SOX6: variants seen among roughly 807,000 people sequenced by gnomAD.
The protein encoded by SOX6 is SRY-box transcription factor 6, also known as transcription factor SOX-6.
A neutral mutation model predicts 97.8 loss-of-function variants in SOX6; 11 were observed. The observed-to-expected ratio is 0.11, with a 90% CI of 0.07 to 0.19. The LOEUF (loss-of-function observed/expected upper bound fraction) is 0.19. Among genes scored for constraint, SOX6 ranks in the 10% least tolerant of loss-of-function variants. The pLI is 1.00. For synonymous variants in SOX6, 360 were observed against 371.4 expected (o/e 0.97, Z 0.35); for missense variants, 810 against 1,039.5 (o/e 0.78, Z 3.04).
chr11:16,497,907 A>C (rs1205578908), intron 4 of SOX6, among the ~76,000 whole-genome samples: 1 of 152,256 alleles, frequency 6.6e-6, no homozygotes, highest in Non-Finnish European at 1.5e-5. Context: ...GATATTATCC[A>C]GGAGAACTTC....
chr11:16,624,622 C>T (rs1848597420), intron 3 of SOX6, among the ~76,000 whole-genome samples: 1 of 151,984 alleles, frequency 6.6e-6, no homozygotes, highest in African/African-American at 2.4e-5. Context: ...TTTTTGTAAA[C>T]ATGTTTTCTC....
intron 13 of SOX6, among the ~76,000 whole-genome samples, chr11:16,004,037 CAT>C (rs958185168): frequency 1.1e-4 from 17 of 151,126 alleles, no homozygotes; most frequent in African/African-American, 2.7e-4. Context: ...TACACACACA[CAT>C]ATATATGTGT....
chr11:16,137,155 G>T lies in SOX6; in HGVS notation c.778-25232C>A, dbSNP rs538959923. On this transcript the variant is annotated intron_variant, in intron 6 of 15. Coordinates refer to ENST00000683767, the MANE Select transcript of SOX6 (RefSeq NM_001367873.1). ...GTGTTTATCTAAAGAGCATGTGGGGGCCGGGAGCAGTGGCTCATGCCTGTA... is the reference window on the plus strand; with the variant it reads ...GTGTTTATCTAAAGAGCATGTGGGGTCCGGGAGCAGTGGCTCATGCCTGTA... Among the ~76,000 whole-genome samples the T allele has an allele frequency of 4.6e-5, 7 of 152,172 alleles. No individual in the cohort carries two copies. The East Asian group carries it at 1.3e-3, about 29-fold the overall frequency.
chr11:16,242,778 T>C (rs541607480), intron 3 of SOX6, among the ~76,000 whole-genome samples: 5 of 151,998 alleles, frequency 3.3e-5, no homozygotes, highest in Non-Finnish European at 5.9e-5. Context: ...TTTTTACTGA[T>C]AAAATATCCA....
intron 1 of SOX6, among the ~76,000 whole-genome samples, chr11:16,349,715 AG>A (rs1856877628): frequency 2.4e-5 from 1 of 41,730 alleles, no homozygotes; most frequent in Non-Finnish European, 4.7e-5. Context: ...GAAGGAAGGA[AG>A]AAGGAAGGAA....
chr11:16,539,237 C>T (rs11023981), intron 4 of SOX6, among the ~76,000 whole-genome samples: 37,260 of 150,332 alleles, frequency 0.25, 5,047 homozygotes, highest in East Asian at 0.48. Context: ...GGGTAAATAA[C>T]GAAGGCAGAA....
At chr11:16,532,589 A>C (rs1484247077) in intron 4 of SOX6, among the ~76,000 whole-genome samples, 1 of 151,920 alleles carries the variant, frequency 6.6e-6, no homozygotes, top group Non-Finnish European at 1.5e-5. Context: ...CTACATCATG[A>C]TTCAAAACAT....
chr11:16,246,439 G>C (rs1329115284), intron 3 of SOX6, among the ~76,000 whole-genome samples: 5 of 151,598 alleles, frequency 3.3e-5, no homozygotes, highest in Admixed American at 1.3e-4. Context: ...AAATCTGCTA[G>C]CAATAAATTG....
At chr11:16,306,049 C>T (rs1356751041) in intron 3 of SOX6, among the ~76,000 whole-genome samples, 1 of 151,988 alleles carries the variant, frequency 6.6e-6, no homozygotes, top group Non-Finnish European at 1.5e-5. Flanking sequence ...ATACATGAAC[C>T]TAAATAGGTG....
At chr11:16,414,757 A>G in intron 1 of SOX6, among the ~76,000 whole-genome samples, 1 of 152,182 alleles carries the variant, frequency 6.6e-6, no homozygotes, top group East Asian at 1.9e-4. Flanking sequence ...AATTCCTACA[A>G]GTAAATATGT....
At chr11:16,444,005 C>T (rs1859562865) in intron 1 of SOX6, among the ~76,000 whole-genome samples, 1 of 88,524 alleles carries the variant, frequency 1.1e-5, no homozygotes, top group South Asian at 4.9e-4. Flanking sequence ...GAGCGAGACT[C>T]TGTCTCAAAA....
chr11:16,585,863 TG>T (rs1171040167), intron 4 of SOX6, among the ~76,000 whole-genome samples: 1 of 151,920 alleles, frequency 6.6e-6, no homozygotes, highest in African/African-American at 2.4e-5. Flanking sequence ...TAGTATTTTT[TG>T]TACAGACAGG....
chr11:16,486,025 C>A (rs67874948), intron 4 of SOX6, among the ~76,000 whole-genome samples: 32,080 of 77,988 alleles, frequency 0.41, 7,937 homozygotes, highest in East Asian at 0.65. Context: ...AGAAGACCTC[C>A]TGTCATTACT....
chr11:16,170,319 CAA>C (rs1401383306), intron 6 of SOX6, among the ~76,000 whole-genome samples: 1 of 151,692 alleles, frequency 6.6e-6, no homozygotes, highest in Non-Finnish European at 1.5e-5. Flanking sequence ...AACCACTTTT[CAA>C]AGTGTTTTCT....
At chr11:16,706,561 G>C (rs1039119953) in intron 3 of SOX6, among the ~76,000 whole-genome samples, 2 of 123,894 alleles carry the variant, frequency 1.6e-5, no homozygotes, top group African/African-American at 3.2e-5. Context: ...GTCATGTTTA[G>C]CAAAGGGCAG....
intron 1 of SOX6, among the ~76,000 whole-genome samples, chr11:16,441,645 C>T (rs1385144876): frequency 6.6e-6 from 1 of 151,998 alleles, no homozygotes; most frequent in Non-Finnish European, 1.5e-5. Context: ...GGCAAATATT[C>T]GAAAATTGTA....
In SOX6 at chr11:16,608,576, T is replaced by A. The variant is rs555243729; in HGVS notation, n.609+3505A>T. 8.6e-5 allele frequency among the ~76,000 whole-genome samples: 13 copies of A among 151,648 alleles called. No homozygotes were observed. In the South Asian group the frequency reaches 2.7e-3, roughly 32 times the overall value. On this transcript the variant is annotated intron_variant and non_coding_transcript_variant, in intron 4 of 5. Transcript: ENST00000524520. ...AGCAAATGGGGGAAGAGAAACATTT[T>A]AAACGATGGAGGAGGAGGCGTTGAA...
intron 9 of SOX6, among the ~76,000 whole-genome samples, chr11:16,066,002 G>A (rs1590172204): frequency 6.6e-6 from 1 of 152,210 alleles, no homozygotes; most frequent in Admixed American, 6.5e-5. Flanking sequence ...GAAAATATTT[G>A]CAAACTACTC....
chr11:16,049,365 T>C (rs1389274177), intron 11 of SOX6, among the ~76,000 whole-genome samples: 2 of 150,812 alleles, frequency 1.3e-5, no homozygotes, highest in South Asian at 4.1e-4. Flanking sequence ...TGGGATAAGA[T>C]GTAAAATTCA....
Sources: allele counts gnomAD v4.1 joint callset (sites outside exome capture counted in the v4.1 genomes callset), GRCh38; gene constraint gnomAD v4.1.1; transcripts MANE v1.5; gene names NCBI Gene and HGNC (gene_info 2026-07-23, HGNC 2026-07-21).